SPTY2D1: variants seen among roughly 807,000 people sequenced by gnomAD.
SPTY2D1 encodes the protein SPT2 chromatin protein domain containing 1.
Under a neutral mutation model 64.0 loss-of-function variants are expected in SPTY2D1, and 21 were observed. That is an observed-to-expected ratio of 0.33 (90% confidence interval 0.23 to 0.47). The LOEUF (loss-of-function observed/expected upper bound fraction) is 0.47, where lower values mean the gene tolerates loss of function less well. SPTY2D1 is among the 20% of genes least tolerant of loss of function. The pLI, the probability that SPTY2D1 is intolerant of heterozygous loss-of-function variation, is 1.00. For synonymous variants in SPTY2D1, 287 were observed against 286.8 expected, an observed-to-expected ratio of 1.00 and a Z score of -0.01; for missense variants, 724 against 837.2, an observed-to-expected ratio of 0.86 and a Z score of 1.67.
At chr11:18,627,645 G>A (rs558736831) in intron 1 of SPTY2D1, among the ~76,000 whole-genome samples, 1 of 152,246 alleles carries the variant, frequency 6.6e-6, no homozygotes, top group East Asian at 1.9e-4. Context: ...TTGGGAGGCC[G>A]AGGGGGGTGG....
At chr11:18,617,921 A>G (rs2134112465) in intron 1 of SPTY2D1, among the ~76,000 whole-genome samples, 1 of 152,290 alleles carries the variant, frequency 6.6e-6, no homozygotes, top group African/African-American at 2.4e-5. Context: ...CAGGCTGGAC[A>G]ACAGAGCAAA....
chr11:18,630,495 C>A (rs1206002174), intron 1 of SPTY2D1, among the ~76,000 whole-genome samples: 1 of 152,086 alleles, frequency 6.6e-6, no homozygotes, highest in Non-Finnish European at 1.5e-5. Flanking sequence ...AAAAGCTCTG[C>A]AAAGAGTCTG....
chr11:18,626,948 A>G (rs1392135102), intron 1 of SPTY2D1, among the ~76,000 whole-genome samples: 1 of 152,236 alleles, frequency 6.6e-6, no homozygotes, highest in African/African-American at 2.4e-5. Context: ...AGTCATCTTC[A>G]GATCTGTGAA....
chr11:18,631,692 G>A (rs1054726910), intron 1 of SPTY2D1, among the ~76,000 whole-genome samples: 1 of 151,372 alleles, frequency 6.6e-6, no homozygotes, highest in African/African-American at 2.4e-5. Context: ...TAAAATAGAT[G>A]GAATAAATAT....
intron 1 of SPTY2D1, among the ~76,000 whole-genome samples, chr11:18,631,484 G>A (rs1001570201): frequency 6.6e-6 from 1 of 151,598 alleles, no homozygotes; most frequent in Admixed American, 6.6e-5. Context: ...TTGAACCTGC[G>A]AGGCGGAGCT....
At position 18,612,910 on chromosome 11, in the gene SPTY2D1, ATGTGCCACAACGCC is replaced by A. The variant is rs913188191; in HGVS notation, c.1712-436_1712-423del. ...CTCCCGAGTAGCTGGGATTATAGGC[ATGTGCCACAACGCC>A]TGGCTAATTTTGTATTTTTAGTAGA... On this transcript the variant is annotated intron_variant, in intron 3 of 5. Coordinates refer to ENST00000336349, the MANE Select transcript of SPTY2D1 (RefSeq NM_194285.3). The surrounding 1 kb of genome is among the most constrained non-coding windows in gnomAD (Gnocchi z 4.6). 4.6e-5 allele frequency among the ~76,000 whole-genome samples: 7 copies of A among 152,136 alleles called. No homozygotes were observed. Among genetic ancestry groups the A allele is most frequent in the African/African-American group, 1.4e-4 (6 of 41,512 alleles).
At chr11:18,618,753 T>C (rs1396771674) in intron 1 of SPTY2D1, among the ~76,000 whole-genome samples, 3 of 152,226 alleles carry the variant, frequency 2.0e-5, no homozygotes, top group African/African-American at 7.2e-5. Flanking sequence ...CCAAAAGATA[T>C]GTGCTTACTA....
Position 18,612,248 on chromosome 11 carries a change from C to G in SPTY2D1, c.1886+66G>C, listed in dbSNP as rs113761700. ...GTGCCTCCACTATTAGTTTATTACCCCATGACATGAATTATTCAAAATAAA... is the reference window on the plus strand; with the variant it reads ...GTGCCTCCACTATTAGTTTATTACCGCATGACATGAATTATTCAAAATAAA... On this transcript the variant is annotated intron_variant, in intron 4 of 5. Coordinates refer to ENST00000336349, the MANE Select transcript of SPTY2D1 (RefSeq NM_194285.3). This position sits in a 1 kb window ranked among gnomAD's most constrained non-coding sequence, Gnocchi z 4.6. 1,496 of 1,350,332 alleles carry G rather than the reference C, an allele frequency of 1.1e-3. 16 individuals are homozygous for G. In the African/African-American group the frequency reaches 0.017, roughly 15 times the overall value. 83.6% of individuals were successfully genotyped at this position (1,350,332 alleles called of 1,614,324 possible). A position where few individuals can be genotyped will look rare whatever the true frequency, so the allele number is the denominator to read the frequency against.
chr11:18,613,046 C>T (rs532280069), intron 3 of SPTY2D1, among the ~76,000 whole-genome samples: 21 of 152,218 alleles, frequency 1.4e-4, no homozygotes, highest in Non-Finnish European at 2.5e-4. Context: ...TTACAGGCGG[C>T]GCCACCGCGC....
chr11:18,621,335 GAAAAGA>G (rs1854394504), intron 1 of SPTY2D1, among the ~76,000 whole-genome samples: 1 of 111,356 alleles, frequency 9.0e-6, no homozygotes, highest in Admixed American at 8.4e-5. Context: ...GAAAAGAAAA[GAAAAGA>G]AAAGAAAAGA....
At chr11:18,622,086 C>CAAAAAAAAAAAAAAAAAAAAAAAAAA (rs747593791) in intron 1 of SPTY2D1, among the ~76,000 whole-genome samples, 4 of 11,828 alleles carry the variant, frequency 3.4e-4, no homozygotes, top group African/African-American at 7.1e-4. Flanking sequence ...GACCCTATCT[C>CAAAAAAAAAAAAAAAAAAAAAAAAAA]AAAAAAAAAA....
At position 18,610,818 on chromosome 11, in the gene SPTY2D1, C is replaced by T. The variant is rs577518090; in HGVS notation, c.1964+659G>A. Among the ~76,000 whole-genome samples, 4 of 152,146 alleles carry T rather than the reference C, an allele frequency of 2.6e-5. No individual in the cohort carries two copies. In the South Asian group the frequency reaches 8.3e-4, roughly 32 times the overall value. ...TACATCCCTGAGGCCAGCAATGTTA[C>T]AGGTTACCAAGATTGAGATGTGTCT... On this transcript the variant is annotated intron_variant, in intron 5 of 5. Coordinates refer to ENST00000336349, the MANE Select transcript of SPTY2D1 (RefSeq NM_194285.3).
At chr11:18,633,688 C>T (rs1383074594) in intron 1 of SPTY2D1, among the ~76,000 whole-genome samples, 1 of 152,200 alleles carries the variant, frequency 6.6e-6, no homozygotes, top group Non-Finnish European at 1.5e-5. Flanking sequence ...AATTTAATCA[C>T]CTCGGTGGCT....
At position 18,612,836 on chromosome 11, in the gene SPTY2D1, C is replaced by A. The variant is rs1282021945; in HGVS notation, c.1712-348G>T. Among the ~76,000 whole-genome samples, 2 of 151,490 alleles carry A rather than the reference C, an allele frequency of 1.3e-5. No homozygotes were observed. The highest frequency in any genetic ancestry group is 2.9e-5 in the Non-Finnish European group (2 of 67,958). On this transcript the variant is annotated intron_variant, in intron 3 of 5. Transcript: ENST00000336349. This position sits in a 1 kb window ranked among gnomAD's most constrained non-coding sequence, Gnocchi z 4.6. ...CTGGAGTGCAATGGTGCGATCTCGG[C>A]TCACTGCAACCTCTGCCTCCCAGGT... is the stretch of plus-strand genomic sequence containing the variant.
chr11:18,615,871 T>G lies in SPTY2D1; in HGVS notation c.403A>C (p.Asn135His), dbSNP rs1382218008. ...TACTCCTGCTCTGACTCTGCGTGAT[T>G]GTACTCGAGGAATTCATTCTCTTCT... ...MEEENEFLEY[N>H]HAESEQEYEE... Residue 135 changes from asparagine to histidine, a missense_variant, in exon 3 of 6, where the codon AAT (asparagine) becomes CAT (histidine). Asn to His is a moderately conservative substitution (Grantham distance 68). Coordinates refer to ENST00000336349, the MANE Select transcript of SPTY2D1 (RefSeq NM_194285.3). 1.9e-6 allele frequency: 3 copies of G among 1,614,166 alleles called. No individual in the cohort carries two copies. In the South Asian group the frequency reaches 3.3e-5, roughly 18 times the overall value.
chr11:18,617,108 T>A, intron 1 of SPTY2D1, 119 bp from the exon 2 acceptor site: 1 of 740,162 alleles, frequency 1.4e-6, no homozygotes, highest in Non-Finnish European at 2.2e-6. Flanking sequence ...CTATTCTGAA[T>A]AATTGAGAGA....
chr11:18,633,604 T>C (rs1854622897), intron 1 of SPTY2D1, among the ~76,000 whole-genome samples: 1 of 152,224 alleles, frequency 6.6e-6, no homozygotes, highest in Non-Finnish European at 1.5e-5. Context: ...TCACCTATTC[T>C]GTTGGCCAAG....
At position 18,612,622 on chromosome 11, in the gene SPTY2D1, G is replaced by A. The variant is rs1238878210; in HGVS notation, c.1712-134C>T. 1.5e-6 allele frequency: 1 copy of A among 656,802 alleles called. No homozygotes were observed. The highest frequency in any genetic ancestry group is 2.3e-6 in the Non-Finnish European group (1 of 430,074). The allele number at this position is 656,802 out of a possible 1,614,324, so 40.7% of individuals were successfully genotyped here. ...AGCAAGCAGGCTGGCCCTTAGCGCA[G>A]AGCCATCATCCTTGCTGTGTCATGG... On this transcript the variant is annotated intron_variant, in intron 3 of 5. Coordinates refer to ENST00000336349, the MANE Select transcript of SPTY2D1 (RefSeq NM_194285.3). This position sits in a 1 kb window ranked among gnomAD's most constrained non-coding sequence, Gnocchi z 4.6.
At position 18,606,406 on chromosome 11, in the gene SPTY2D1, A is replaced by G. The variant is rs1249130655; in HGVS notation, c.*3455T>C. On this transcript the variant is annotated 3_prime_UTR_variant, in exon 6 of 6. Coordinates refer to ENST00000336349, the MANE Select transcript of SPTY2D1 (RefSeq NM_194285.3). Reference sequence around the variant, plus strand: ...TAAATGCAAACCAGCAAAAATATCAATAAAATATTTTTAATGCCTACAATT... The same window carrying G: ...TAAATGCAAACCAGCAAAAATATCAGTAAAATATTTTTAATGCCTACAATT... 2 of 171,218 alleles carry G rather than the reference A, an allele frequency of 1.2e-5. No individual in the cohort carries two copies. The highest frequency in any genetic ancestry group is 1.3e-4 in the Admixed American group (2 of 15,340). 10.6% of individuals were successfully genotyped at this position (171,218 alleles called of 1,614,324 possible).
Sources: allele counts gnomAD v4.1 joint callset (sites outside exome capture counted in the v4.1 genomes callset), GRCh38; gene constraint gnomAD v4.1.1; non-coding constraint Gnocchi (gnomAD v3.1); transcripts MANE v1.5; gene names NCBI Gene and HGNC (gene_info 2026-07-23, HGNC 2026-07-21).